Variants in FA2H observed in about 807,000 individuals in gnomAD.
The protein encoded by FA2H is fatty acid 2-hydroxylase.
In FA2H, 22 loss-of-function variants were observed where a neutral mutation model predicts 44.9. The observed-to-expected ratio is 0.49, with a 90% CI of 0.35 to 0.70. The LOEUF is 0.70. Among genes scored for constraint, FA2H ranks in the 30% least tolerant of loss-of-function variants. The pLI is 0.01. For missense variants in FA2H, 501 were observed against 504.9 expected, an observed-to-expected ratio of 0.99 and a Z score of 0.07; for synonymous variants, 243 against 213.2, an observed-to-expected ratio of 1.14 and a Z score of -1.22.
At chr16:74,746,054 G>A (rs241377) in intron 1 of FA2H, among the ~76,000 whole-genome samples, 74,928 of 151,438 alleles carry the variant, frequency 0.49, 19,008 homozygotes, top group Admixed American at 0.56. Flanking sequence ...CAATCTGCCC[G>A]CCTCGGCCTC....
At chr16:74,756,774 C>A (rs962649060) in intron 1 of FA2H, among the ~76,000 whole-genome samples, 1 of 151,912 alleles carries the variant, frequency 6.6e-6, no homozygotes, top group Non-Finnish European at 1.5e-5. Context: ...TTCAATAAAT[C>A]TACTGGGAAA....
intron 2 of FA2H, among the ~76,000 whole-genome samples, chr16:74,732,462 AGTCTCACTCT>A (rs1962092280): frequency 1.3e-5 from 2 of 150,862 alleles, no homozygotes; most frequent in Admixed American, 6.6e-5. Flanking sequence ...TTTAAGATTG[AGTCTCACTCT>A]GTCACCCAGG....
Position 74,729,005 on chromosome 16 carries a change from T to A in FA2H, c.364-1619A>T, listed in dbSNP as rs576600495. On this transcript the variant is annotated intron_variant, in intron 2 of 6. Coordinates refer to ENST00000219368, the MANE Select transcript of FA2H (RefSeq NM_024306.5). ...ATCATGTTGGCCAGGATGGTCTTGA[T>A]TTTTTTTTTTTTTTTTTTTTTTTTG... Among the ~76,000 whole-genome samples the A allele has an allele frequency of 6.4e-3, 401 of 62,970 alleles. 5 individuals are homozygous for A. The highest frequency in any genetic ancestry group is 0.011 in the Non-Finnish European group (288 of 26,830). The allele number at this position is 62,970 out of a possible 152,430, so 41.3% of individuals were successfully genotyped here.
At chr16:74,714,577 C>A in intron 6 of FA2H, among the ~76,000 whole-genome samples, 1 of 151,106 alleles carries the variant, frequency 6.6e-6, no homozygotes, top group South Asian at 2.1e-4. Context: ...TTCATTCCTG[C>A]CTCAGGGCTT....
intron 1 of FA2H, among the ~76,000 whole-genome samples, chr16:74,746,077 G>A (rs1962417644): frequency 6.6e-6 from 1 of 151,812 alleles, no homozygotes; most frequent in Non-Finnish European, 1.5e-5. Context: ...TGGGATTACA[G>A]GCATGAGCCA....
intron 1 of FA2H, among the ~76,000 whole-genome samples, chr16:74,761,736 T>C (rs573258025): frequency 3.3e-5 from 5 of 152,276 alleles, no homozygotes; most frequent in Non-Finnish European, 7.4e-5. Flanking sequence ...GAGGGTGCTA[T>C]CATCCAACAA....
chr16:74,731,894 A>T lies in FA2H; in HGVS notation c.364-4508T>A, dbSNP rs1374749634. ...CTGGTCCTTTCTTTTTCTTTTTGAGACAGGGACTTGCTCTGTTGCCCAAGT... is the reference window on the plus strand; with the variant it reads ...CTGGTCCTTTCTTTTTCTTTTTGAGTCAGGGACTTGCTCTGTTGCCCAAGT... On this transcript the variant is annotated intron_variant, in intron 2 of 6. Transcript: ENST00000219368. Among the ~76,000 whole-genome samples the T allele has an allele frequency of 3.3e-5, 5 of 152,156 alleles. No individual in the cohort carries two copies. The East Asian group carries it at 7.7e-4, about 24-fold the overall frequency.
At chr16:74,724,859 C>A (rs1476132960) in intron 4 of FA2H, among the ~76,000 whole-genome samples, 2 of 152,206 alleles carry the variant, frequency 1.3e-5, no homozygotes, top group Non-Finnish European at 2.9e-5. Flanking sequence ...CAGCATCACC[C>A]CTGTCTGCCC....
At chr16:74,723,085 G>A (rs2240244) in intron 4 of FA2H, among the ~76,000 whole-genome samples, 132,086 of 152,292 alleles carry the variant, frequency 0.87, 57,676 homozygotes, top group African/African-American at 0.97. Flanking sequence ...CTGCCTAGGC[G>A]TTTAACCTGA....
chr16:74,765,203 C>A (rs2144662886), intron 1 of FA2H, among the ~76,000 whole-genome samples: 1 of 151,326 alleles, frequency 6.6e-6, no homozygotes, highest in South Asian at 2.1e-4. Flanking sequence ...GTCCCCCAGG[C>A]TGGAGTGCAA....
intron 1 of FA2H, among the ~76,000 whole-genome samples, chr16:74,741,870 ATGTGTGTG>A (rs538897022): frequency 1.2e-5 from 1 of 84,316 alleles, no homozygotes; most frequent in African/African-American, 4.5e-5. Flanking sequence ...GTGTGTGTGT[ATGTGTGTG>A]TGTGTGTATC....
intron 1 of FA2H, among the ~76,000 whole-genome samples, chr16:74,764,570 G>A (rs928460030): frequency 1.3e-5 from 2 of 152,142 alleles, no homozygotes; most frequent in African/African-American, 2.4e-5. Flanking sequence ...GCCTCCACCC[G>A]AGGGTGCAGG....
chr16:74,747,620 C>T (rs1453622051), intron 1 of FA2H, among the ~76,000 whole-genome samples: 4 of 151,940 alleles, frequency 2.6e-5, no homozygotes, highest in Non-Finnish European at 4.4e-5. Flanking sequence ...CAGACACACA[C>T]GTGTGAAGAT....
chr16:74,773,616 G>C (rs1447910341), intron 1 of FA2H, among the ~76,000 whole-genome samples: 2 of 152,182 alleles, frequency 1.3e-5, no homozygotes, highest in Non-Finnish European at 2.9e-5. Flanking sequence ...AGCCAGCATT[G>C]ATTTTGGAGT....
chr16:74,717,730 G>C (rs1597539404), intron 5 of FA2H, among the ~76,000 whole-genome samples: 1 of 152,216 alleles, frequency 6.6e-6, no homozygotes, highest in Non-Finnish European at 1.5e-5. Flanking sequence ...GTGGCAGCAG[G>C]GGACTGGACA....
intron 1 of FA2H, among the ~76,000 whole-genome samples, chr16:74,740,620 AAATAATAATAATAATAATAATAATAAT>A (rs71378704): frequency 2.2e-5 from 3 of 135,376 alleles, no homozygotes; most frequent in African/African-American, 5.5e-5. Context: ...CTCCATCTCA[AAATAATAATAATAATAATAATAATAAT>A]AATAATAATA....
At chr16:74,735,534 T>C (rs1167074903) in intron 2 of FA2H, among the ~76,000 whole-genome samples, 1 of 152,134 alleles carries the variant, frequency 6.6e-6, no homozygotes, top group Non-Finnish European at 1.5e-5. Flanking sequence ...GAAAGACAGC[T>C]TGAGCGCTGG....
chr16:74,739,082 C>T (rs185478767), intron 2 of FA2H, among the ~76,000 whole-genome samples: 23 of 152,346 alleles, frequency 1.5e-4, no homozygotes, highest in Non-Finnish European at 8.8e-5. Flanking sequence ...GTGGGGTCCC[C>T]ACCCCACTCT....
chr16:74,741,806 ATATGTGTG>A (rs1440379888), intron 1 of FA2H, among the ~76,000 whole-genome samples: 3 of 60,766 alleles, frequency 4.9e-5, no homozygotes, highest in African/African-American at 2.3e-4. Flanking sequence ...ATATATATAT[ATATGTGTG>A]TGTGTGTGTG....
Sources: gnomAD v4.1 joint callset for allele counts (sites outside exome capture counted in the v4.1 genomes callset) on GRCh38, gnomAD v4.1.1 for gene constraint, MANE v1.5 for transcripts, NCBI Gene and HGNC (gene_info 2026-07-23, HGNC 2026-07-21) for gene names.